The following TMEM132D variants were observed in gnomAD, a reference collection of about 807,000 sequenced individuals.
TMEM132D encodes mature OL transmembrane protein.
TMEM132D carries 21 observed loss-of-function variants against 62.3 expected under a neutral mutation model. The ratio of observed to expected loss-of-function variants is 0.34; its 90% CI spans 0.24 to 0.49. The LOEUF is 0.49. TMEM132D is among the 20% of genes least tolerant of loss of function. The pLI is 0.99. For missense variants in TMEM132D, 1,346 were observed against 1,402.8 expected (o/e 0.96, Z 0.65); for synonymous variants, 621 against 575.6 (o/e 1.08, Z -1.13).
intron 4 of TMEM132D, among the ~76,000 whole-genome samples, chr12:129,216,792 A>G (rs995414873): frequency 1.3e-5 from 2 of 152,228 alleles, no homozygotes; most frequent in African/African-American, 2.4e-5. Flanking sequence ...TCCACCTCCA[A>G]GCATGTTTGC....
At chr12:129,431,695 C>T (rs1872659821) in intron 3 of TMEM132D, among the ~76,000 whole-genome samples, 1 of 152,134 alleles carries the variant, frequency 6.6e-6, no homozygotes, top group African/African-American at 2.4e-5. Context: ...TCTGATTATG[C>T]CACTCTCCTG....
At chr12:129,902,128 G>C (rs916203152) in intron 1 of TMEM132D, among the ~76,000 whole-genome samples, 1 of 152,128 alleles carries the variant, frequency 6.6e-6, no homozygotes, top group African/African-American at 2.4e-5. Context: ...CACAGAACTC[G>C]GCATTTCAAC....
chr12:129,221,183 C>G (rs966513893), intron 4 of TMEM132D, among the ~76,000 whole-genome samples: 1 of 152,182 alleles, frequency 6.6e-6, no homozygotes, highest in African/African-American at 2.4e-5. Flanking sequence ...ATTGCCTATT[C>G]TTTCTCCTCA....
intron 3 of TMEM132D, among the ~76,000 whole-genome samples, chr12:129,377,884 T>C (rs1870829175): frequency 6.6e-6 from 1 of 152,244 alleles, no homozygotes; most frequent in South Asian, 2.1e-4. Context: ...TACTTTTCTA[T>C]GGTTAAATAT....
intron 2 of TMEM132D, among the ~76,000 whole-genome samples, chr12:129,573,821 G>A (rs952357308): frequency 6.7e-6 from 1 of 149,676 alleles, no homozygotes; most frequent in Non-Finnish European, 1.5e-5. Context: ...GATATTCCGT[G>A]TGAAAGAAGT....
At chr12:129,835,065 G>A (rs1045150914) in intron 1 of TMEM132D, among the ~76,000 whole-genome samples, 5 of 152,130 alleles carry the variant, frequency 3.3e-5, no homozygotes, top group Non-Finnish European at 7.3e-5. Flanking sequence ...TGCCCACATG[G>A]CCATCTGTCT....
chr12:129,600,497 C>A (rs1252078801), intron 2 of TMEM132D, among the ~76,000 whole-genome samples: 1 of 152,180 alleles, frequency 6.6e-6, no homozygotes, highest in Non-Finnish European at 1.5e-5. Flanking sequence ...AATGGTAAAT[C>A]CTTTCCAAAA....
At chr12:129,770,746 C>T (rs989440343) in intron 1 of TMEM132D, among the ~76,000 whole-genome samples, 2 of 152,166 alleles carry the variant, frequency 1.3e-5, no homozygotes, top group Non-Finnish European at 1.5e-5. Context: ...AAATCATCCA[C>T]CATAAAACCT....
intron 3 of TMEM132D, among the ~76,000 whole-genome samples, chr12:129,366,682 C>T (rs887589381): frequency 1.3e-5 from 2 of 152,220 alleles, no homozygotes; most frequent in African/African-American, 4.8e-5. Flanking sequence ...CGTGATTTGA[C>T]AGGCATTAAC....
chr12:129,571,079 T>A (rs1877499626), intron 2 of TMEM132D, among the ~76,000 whole-genome samples: 1 of 152,198 alleles, frequency 6.6e-6, no homozygotes, highest in African/African-American at 2.4e-5. Flanking sequence ...TTCTATGCCA[T>A]CTGAATGTAG....
At chr12:129,355,459 C>G (rs1283627536) in intron 3 of TMEM132D, among the ~76,000 whole-genome samples, 1 of 152,038 alleles carries the variant, frequency 6.6e-6, no homozygotes, top group Middle Eastern at 3.2e-3. Context: ...GAGTGAAATT[C>G]TATTTCCAAC....
intron 3 of TMEM132D, among the ~76,000 whole-genome samples, chr12:129,457,995 C>T (rs534277671): frequency 3.3e-5 from 5 of 152,280 alleles, no homozygotes; most frequent in Non-Finnish European, 7.4e-5. Flanking sequence ...CTGTGCTTCT[C>T]CATGGTTAGA....
intron 3 of TMEM132D, among the ~76,000 whole-genome samples, chr12:129,392,490 T>C (rs1427125512): frequency 2.0e-5 from 3 of 152,246 alleles, no homozygotes; most frequent in Non-Finnish European, 4.4e-5. Context: ...AAAGAGATTC[T>C]GGTCTCATGG....
At chr12:129,359,439 T>C (rs766980484) in intron 3 of TMEM132D, among the ~76,000 whole-genome samples, 13 of 152,218 alleles carry the variant, frequency 8.5e-5, no homozygotes, top group Non-Finnish European at 1.8e-4. Context: ...CAAGTCACAT[T>C]GAGCGTTGTG....
intron 1 of TMEM132D, among the ~76,000 whole-genome samples, chr12:129,819,112 C>T (rs771444724): frequency 1.3e-5 from 2 of 152,110 alleles, no homozygotes; most frequent in African/African-American, 4.8e-5. Flanking sequence ...TGCTGTCTTG[C>T]GGGAGACAGC....
At chr12:129,145,003 T>C (rs1390599672) in intron 5 of TMEM132D, among the ~76,000 whole-genome samples, 2 of 152,172 alleles carry the variant, frequency 1.3e-5, no homozygotes, top group African/African-American at 4.8e-5. Flanking sequence ...GTAATATGTG[T>C]ATATATACAC....
chr12:129,403,053 T>C (rs1566058038), intron 3 of TMEM132D, among the ~76,000 whole-genome samples: 2 of 152,058 alleles, frequency 1.3e-5, no homozygotes, highest in African/African-American at 2.4e-5. Context: ...TTTTCCAGGA[T>C]TGTGGCAGGC....
chr12:129,084,823 C>G, intron 5 of TMEM132D, 121 bp from the exon 6 acceptor site: 3 of 852,074 alleles, frequency 3.5e-6, no homozygotes, highest in Non-Finnish European at 5.4e-6. Flanking sequence ...CCTCCCCTTA[C>G]TATGGGGGAG....
intron 1 of TMEM132D, among the ~76,000 whole-genome samples, chr12:129,824,771 C>A (rs75199779): frequency 1.3e-5 from 2 of 152,134 alleles, no homozygotes; most frequent in Non-Finnish European, 2.9e-5. Flanking sequence ...GGCACCTGTT[C>A]CACCATCTGA....
Sources: gnomAD v4.1 joint callset for allele counts (sites outside exome capture counted in the v4.1 genomes callset) on GRCh38, gnomAD v4.1.1 for gene constraint, MANE v1.5 for transcripts, NCBI Gene and HGNC (gene_info 2026-07-23, HGNC 2026-07-21) for gene names.